Variants in FAM227B observed in about 807,000 individuals in gnomAD.
FAM227B encodes the protein protein FAM227B.
In FAM227B, 88 loss-of-function variants were observed where a neutral mutation model predicts 73.8. The observed-to-expected ratio is 1.19, with a 90% CI of 1.00 to 1.42. The LOEUF is 1.42. Ranked by LOEUF, FAM227B falls within the 40% of genes most tolerant of loss-of-function variation. FAM227B has a pLI of 0.00. For missense variants in FAM227B, 632 were observed against 590.9 expected, an observed-to-expected ratio of 1.07 and a Z score of -0.72; for synonymous variants, 210 against 190.5, an observed-to-expected ratio of 1.10 and a Z score of -0.84.
intron 11 of FAM227B, among the ~76,000 whole-genome samples, chr15:49,401,180 AG>A (rs1332413157): frequency 6.6e-6 from 1 of 152,260 alleles, no homozygotes; most frequent in East Asian, 1.9e-4. Flanking sequence ...CCCATCAAAA[AG>A]TGGGCGAAGG....
intron 15 of FAM227B, chr15:49,329,142 A>G (rs1474072390): frequency 1.0e-6 from 1 of 988,804 alleles, no homozygotes; most frequent in Non-Finnish European, 1.2e-6. Context: ...TATGCACCCC[A>G]TTGTAAAGCA....
intron 11 of FAM227B, among the ~76,000 whole-genome samples, chr15:49,428,995 T>C (rs1362950418): frequency 6.6e-6 from 1 of 151,970 alleles, no homozygotes; most frequent in Non-Finnish European, 1.5e-5. Context: ...ATTCTTTGGA[T>C]AGGCTCCTAC....
At position 49,559,942 on chromosome 15, in the gene FAM227B, GAA is replaced by G. The variant is rs57124305; in HGVS notation, c.747+8301_747+8302del. On this transcript the variant is annotated intron_variant, in intron 9 of 15. Transcript: ENST00000299338. ...CAGAGCGAGACTCCAAGACTGTCTCGAAAAAAAAAAAATTCTGACACCAAAAA... is the reference window on the plus strand; with the variant it reads ...CAGAGCGAGACTCCAAGACTGTCTCGAAAAAAAAAATTCTGACACCAAAAA... Among the ~76,000 whole-genome samples, 3 of 146,714 alleles carry G rather than the reference GAA, an allele frequency of 2.0e-5. No homozygotes were observed. In the East Asian group the frequency reaches 6.0e-4, roughly 29 times the overall value.
chr15:49,472,760 A>G (rs2054893515), intron 11 of FAM227B, among the ~76,000 whole-genome samples: 1 of 152,218 alleles, frequency 6.6e-6, no homozygotes, highest in African/African-American at 2.4e-5. Context: ...GAAAAGGGCT[A>G]GAATCAAAAC....
Position 49,508,358 on chromosome 15 carries a change from TA to T in FAM227B, c.875-11del, listed in dbSNP as rs1397818098. On this transcript the variant is annotated splice_polypyrimidine_tract_variant and intron_variant, in intron 10 of 15. Coordinates refer to ENST00000299338, the MANE Select transcript of FAM227B (RefSeq NM_152647.3). ...TTTTGAGGTTTTAAACCTGTTAATATAAAATACATATTTAGCCAAATAAATT... is the reference window on the plus strand; with the variant it reads ...TTTTGAGGTTTTAAACCTGTTAATATAAATACATATTTAGCCAAATAAATT... 6 of 1,558,784 alleles carry T rather than the reference TA, an allele frequency of 3.8e-6. No homozygotes were observed. In the Admixed American group the frequency reaches 1.3e-4, roughly 35 times the overall value.
intron 13 of FAM227B, among the ~76,000 whole-genome samples, chr15:49,360,715 A>G (rs2044073002): frequency 1.3e-5 from 2 of 152,206 alleles, no homozygotes; most frequent in South Asian, 4.1e-4. Context: ...ATATCAAGTG[A>G]CCAAGTTTTT....
At chr15:49,490,132 C>T (rs1431716241) in intron 11 of FAM227B, among the ~76,000 whole-genome samples, 2 of 151,530 alleles carry the variant, frequency 1.3e-5, no homozygotes, top group Admixed American at 1.3e-4. Context: ...TCATCTTTGT[C>T]CCTTCTTTAA....
At chr15:49,372,710 C>T (rs990901080) in intron 11 of FAM227B, among the ~76,000 whole-genome samples, 1 of 152,094 alleles carries the variant, frequency 6.6e-6, no homozygotes, top group African/African-American at 2.4e-5. Flanking sequence ...TGTATCTTAA[C>T]ATCTGAGAAA....
chr15:49,548,342 A>T (rs56034238), intron 9 of FAM227B, among the ~76,000 whole-genome samples: 3,008 of 152,272 alleles, frequency 0.02, 122 homozygotes, highest in African/African-American at 0.069. Flanking sequence ...GCATATGTTG[A>T]ACCATCCTTC....
chr15:49,614,980 G>A (rs749548636), intron 2 of FAM227B, 141 bp downstream of exon 2: 5 of 750,532 alleles, frequency 6.7e-6, no homozygotes, highest in Non-Finnish European at 1.2e-5. Flanking sequence ...TTGGCCATCT[G>A]TGCAGCGAGC....
chr15:49,372,586 G>T (rs554581276), intron 11 of FAM227B, among the ~76,000 whole-genome samples: 1 of 152,266 alleles, frequency 6.6e-6, no homozygotes, highest in Non-Finnish European at 1.5e-5. Flanking sequence ...CTTTCAACTG[G>T]CATGAATATG....
intron 13 of FAM227B, chr15:49,366,806 C>A: frequency 1.8e-6 from 1 of 559,644 alleles, no homozygotes; most frequent in Non-Finnish European, 3.1e-6. Context: ...ATCGCCGCTG[C>A]TGCAGGGGCC....
intron 10 of FAM227B, among the ~76,000 whole-genome samples, chr15:49,517,936 G>A (rs1191092866): frequency 6.6e-6 from 1 of 152,014 alleles, no homozygotes; most frequent in East Asian, 1.9e-4. Flanking sequence ...AAGTTTGTGT[G>A]ATTTAACCAT....
intron 11 of FAM227B, among the ~76,000 whole-genome samples, chr15:49,500,819 G>A (rs1038167142): frequency 1.3e-5 from 2 of 152,142 alleles, no homozygotes; most frequent in Admixed American, 6.5e-5. Flanking sequence ...AGAATGGCTG[G>A]GGCCATTCCC....
Position 49,371,313 on chromosome 15 carries a change from G to C in FAM227B, c.1099C>G (p.Leu367Val). Reference sequence around the variant, plus strand: ...ATTATACTCCAAACCTTTGTTGCTAGTCTTGATAATCTTGATTCTTCCTTG... The same window carrying C: ...ATTATACTCCAAACCTTTGTTGCTACTCTTGATAATCTTGATTCTTCCTTG... ...ISKEESRLSR[L>V]ATKSHYSSTG... The change falls in exon 12 of 16, where the codon CTA becomes GTA. Residue 367 changes from leucine to valine, a missense_variant. Leu to Val is a conservative substitution (Grantham distance 32). Transcript: ENST00000299338. The C allele has an allele frequency of 1.3e-6, 2 of 1,582,700 alleles. No individual in the cohort carries two copies. The highest frequency in any genetic ancestry group is 1.7e-6 in the Non-Finnish European group (2 of 1,155,640).
intron 9 of FAM227B, among the ~76,000 whole-genome samples, chr15:49,555,421 T>C (rs2073553561): frequency 6.6e-6 from 1 of 152,234 alleles, no homozygotes; most frequent in Non-Finnish European, 1.5e-5. Context: ...GAAGGTCTGC[T>C]GGTAAATTGG....
At chr15:49,476,613 CAT>C (rs1567352566) in intron 11 of FAM227B, among the ~76,000 whole-genome samples, 1 of 149,690 alleles carries the variant, frequency 6.7e-6, no homozygotes, top group Non-Finnish European at 1.5e-5. Flanking sequence ...TAATAAATCA[CAT>C]ATGTTCTATA....
chr15:49,525,415 A>C (rs1000741953), intron 10 of FAM227B, among the ~76,000 whole-genome samples: 3 of 152,068 alleles, frequency 2.0e-5, no homozygotes, highest in African/African-American at 7.2e-5. Flanking sequence ...TAAGTCCATT[A>C]AACTTAAGTA....
intron 10 of FAM227B, among the ~76,000 whole-genome samples, chr15:49,520,650 C>T (rs1588132): frequency 0.054 from 8,280 of 152,032 alleles, 326 homozygotes; most frequent in East Asian, 0.12. Context: ...CATGTGCAGG[C>T]GGAGCTGCCC....
Sources: allele counts gnomAD v4.1 joint callset (sites outside exome capture counted in the v4.1 genomes callset), GRCh38; gene constraint gnomAD v4.1.1; transcripts MANE v1.5; gene names NCBI Gene and HGNC (gene_info 2026-07-23, HGNC 2026-07-21).